PELI2: variants seen among roughly 807,000 people sequenced by gnomAD.
The protein encoded by PELI2 is pellino E3 ubiquitin protein ligase family member 2.
Under a neutral mutation model 42.3 loss-of-function variants are expected in PELI2, and 23 were observed. That is an observed-to-expected ratio of 0.54 (90% CI 0.39 to 0.77). PELI2 has a LOEUF of 0.77. PELI2 is among the 30% of genes least tolerant of loss of function. The pLI is 0.00. For synonymous variants in PELI2, 245 were observed against 212.2 expected (o/e 1.15, Z -1.34); for missense variants, 463 against 553.2 (o/e 0.84, Z 1.64).
chr14:56,121,298 G>C (rs935542361), intron 1 of PELI2, among the ~76,000 whole-genome samples: 5 of 151,294 alleles, frequency 3.3e-5, no homozygotes, highest in African/African-American at 1.2e-4. Flanking sequence ...ATGTCATAGT[G>C]AAACATTACT....
At chr14:56,245,805 T>G (rs1888131698) in intron 2 of PELI2, among the ~76,000 whole-genome samples, 1 of 152,232 alleles carries the variant, frequency 6.6e-6, no homozygotes, top group Non-Finnish European at 1.5e-5. Flanking sequence ...TCAATAAGCA[T>G]AATAGCTATT....
chr14:56,216,918 A>G (rs943484067), intron 2 of PELI2, among the ~76,000 whole-genome samples: 1 of 152,242 alleles, frequency 6.6e-6, no homozygotes, highest in Non-Finnish European at 1.5e-5. Flanking sequence ...GCTTACCTAT[A>G]TAATAATTCA....
intron 1 of PELI2, among the ~76,000 whole-genome samples, chr14:56,126,412 C>G (rs934494136): frequency 6.6e-6 from 1 of 152,236 alleles, no homozygotes; most frequent in Non-Finnish European, 1.5e-5. Flanking sequence ...GCTTCTCACT[C>G]TCAAACACTT....
intron 2 of PELI2, among the ~76,000 whole-genome samples, chr14:56,185,254 T>G (rs1885730057): frequency 6.6e-6 from 1 of 152,188 alleles, no homozygotes; most frequent in Non-Finnish European, 1.5e-5. Context: ...AAAATTTGAT[T>G]AATCAATACT....
chr14:56,160,954 A>G (rs1392421432), intron 1 of PELI2, among the ~76,000 whole-genome samples: 1 of 152,144 alleles, frequency 6.6e-6, no homozygotes, highest in Non-Finnish European at 1.5e-5. Flanking sequence ...TTTCACACAA[A>G]TGTGGTGACT....
chr14:56,230,837 T>C (rs1276943059), intron 2 of PELI2, among the ~76,000 whole-genome samples: 2 of 152,152 alleles, frequency 1.3e-5, no homozygotes, highest in Admixed American at 1.3e-4. Flanking sequence ...CCCATCAGTG[T>C]GCTGTATTCA....
At chr14:56,160,010 T>C (rs1884700749) in intron 1 of PELI2, among the ~76,000 whole-genome samples, 1 of 151,908 alleles carries the variant, frequency 6.6e-6, no homozygotes, top group Admixed American at 6.5e-5. Flanking sequence ...ACAGTTTCTT[T>C]GTTTTTTTTT....
chr14:56,213,862 G>T (rs1886798897), intron 2 of PELI2, among the ~76,000 whole-genome samples: 1 of 152,024 alleles, frequency 6.6e-6, no homozygotes, highest in African/African-American at 2.4e-5. Context: ...TTGGTTTTGG[G>T]TTTTTTTGAG....
Position 56,296,954 on chromosome 14 carries a change from T to G in PELI2, c.1051T>G (p.Cys351Gly), listed in dbSNP as rs767784603. 7 of 1,614,052 alleles carry G rather than the reference T, an allele frequency of 4.3e-6. No homozygotes were observed. The South Asian group carries it at 5.5e-5, about 13-fold the overall frequency. The stretch of plus-strand genomic sequence containing the variant: ...CCCCTATGTGCCTCTCTGGCTTGGC[T>G]GTGAGGCAGGATTTTATGTAGACGC... ...VGPYVPLWLG[C>G]EAGFYVDAGP... The change falls in exon 6 of 6, where the codon TGT (cysteine) becomes GGT (glycine). Residue 351 changes from cysteine (C) to glycine (G), a missense_variant. This residue lies in a region of PELI2 where 103 missense variants were observed against 129.6 expected (regional missense o/e 0.80). Transcript: ENST00000267460.
intron 2 of PELI2, among the ~76,000 whole-genome samples, chr14:56,190,771 C>CT (rs2139687243): frequency 6.6e-6 from 1 of 152,286 alleles, no homozygotes; most frequent in Non-Finnish European, 1.5e-5. Flanking sequence ...TTTGATAACA[C>CT]TAAGACCTGT....
intron 4 of PELI2, among the ~76,000 whole-genome samples, chr14:56,289,095 G>T (rs1388903904): frequency 6.6e-6 from 1 of 152,068 alleles, no homozygotes; most frequent in South Asian, 2.1e-4. Flanking sequence ...GCCCTTATAG[G>T]GTTTCCTTGT....
intron 1 of PELI2, among the ~76,000 whole-genome samples, chr14:56,144,182 A>G (rs1041423365): frequency 6.6e-6 from 1 of 152,232 alleles, no homozygotes; most frequent in Admixed American, 6.5e-5. Flanking sequence ...CTTGGTTCTC[A>G]TTACTACAGC....
Position 56,288,695 on chromosome 14 carries a change from A to T in PELI2, c.507+61A>T. 1 of 1,261,016 alleles carries T rather than the reference A, an allele frequency of 7.9e-7. No individual in the cohort carries two copies. 78.1% of individuals were successfully genotyped at this position (1,261,016 alleles called of 1,614,324 possible). ...AATGCTTGTGATTATGATATGGAACATTTAATTGGAGCAAAAAAAAATTGG... is the reference window on the plus strand; with the variant it reads ...AATGCTTGTGATTATGATATGGAACTTTTAATTGGAGCAAAAAAAAATTGG... On this transcript the variant is annotated intron_variant, in intron 4 of 5. Coordinates refer to ENST00000267460, the MANE Select transcript of PELI2 (RefSeq NM_021255.3). This position sits in a 1 kb window ranked among gnomAD's most constrained non-coding sequence, Gnocchi z 4.6.
intron 5 of PELI2, among the ~76,000 whole-genome samples, chr14:56,290,980 T>A (rs1008167134): frequency 7.2e-5 from 11 of 152,262 alleles, no homozygotes; most frequent in African/African-American, 2.4e-4. Flanking sequence ...ATGATTTATA[T>A]ACTGCATTGA....
In PELI2 at chr14:56,219,716, G is replaced by A. The variant is rs969837752; in HGVS notation, c.207+41252G>A. Among the ~76,000 whole-genome samples, 1 of 152,224 alleles carries A rather than the reference G, an allele frequency of 6.6e-6. No homozygotes were observed. Among genetic ancestry groups the A allele is most frequent in the Non-Finnish European group, 1.5e-5 (1 of 68,054 alleles). On this transcript the variant is annotated intron_variant, in intron 2 of 5. Transcript: ENST00000267460. This position sits in a 1 kb window ranked among gnomAD's most constrained non-coding sequence, Gnocchi z 4.1. The stretch of plus-strand genomic sequence containing the variant: ...CCAATTTAAAAGCAGAAAATTAGAT[G>A]TGGAAAATTGTACTTAGGTTGGTAA...
intron 2 of PELI2, among the ~76,000 whole-genome samples, chr14:56,252,937 A>G (rs531756496): frequency 4.9e-4 from 75 of 152,266 alleles, no homozygotes; most frequent in African/African-American, 1.4e-3. Flanking sequence ...TCCCTGATGA[A>G]CATCTATGTG....
chr14:56,236,144 T>A (rs779007474), intron 2 of PELI2, among the ~76,000 whole-genome samples: 106 of 152,376 alleles, frequency 7.0e-4, no homozygotes, highest in Non-Finnish European at 1.2e-3. Context: ...AATTTTTAAT[T>A]GTTTTTTAAT....
rs532733935 is a variant in PELI2 at position 56,145,388 on chromosome 14, A to T, written c.77+26651A>T. ...AATTCAGCATGAGATTTGGGTTGGG[A>T]CACAGCCAGACCGTATCTCTAGGAA... On this transcript the variant is annotated intron_variant, in intron 1 of 5. Coordinates refer to ENST00000267460, the MANE Select transcript of PELI2 (RefSeq NM_021255.3). Among the ~76,000 whole-genome samples the T allele has an allele frequency of 6.3e-4, 96 of 152,322 alleles. 1 individual carries two copies. Among genetic ancestry groups the T allele is most frequent in the Non-Finnish European group, 1.1e-3 (78 of 68,020 alleles).
At chr14:56,123,628 CTT>C (rs919321437) in intron 1 of PELI2, among the ~76,000 whole-genome samples, 1 of 152,118 alleles carries the variant, frequency 6.6e-6, no homozygotes, top group African/African-American at 2.4e-5. Flanking sequence ...TTATTTCTCT[CTT>C]TAACACACCA....
Sources: allele counts gnomAD v4.1 joint callset (sites outside exome capture counted in the v4.1 genomes callset), GRCh38; gene constraint gnomAD v4.1.1; regional missense constraint gnomAD v4.1.1; non-coding constraint Gnocchi (gnomAD v3.1); transcripts MANE v1.5; gene names NCBI Gene and HGNC (gene_info 2026-07-23, HGNC 2026-07-21).